The following ROBO2 variants were observed in gnomAD, a reference collection of about 807,000 sequenced individuals.
The protein encoded by ROBO2 is roundabout homolog 2.
ROBO2 carries 53 observed loss-of-function variants against 160.8 expected under a neutral mutation model. The observed-to-expected ratio is 0.33, with a 90% CI of 0.26 to 0.41. The LOEUF (loss-of-function observed/expected upper bound fraction) is 0.41, where lower values mean the gene tolerates loss of function less well. Ranked by LOEUF, ROBO2 falls within the 10% of genes least tolerant of loss-of-function variation. ROBO2 has a pLI of 1.00. For missense variants in ROBO2, 1,577 were observed against 1,722.4 expected (o/e 0.92, Z 1.49); for synonymous variants, 664 against 611.7 (o/e 1.09, Z -1.26).
intron 1 of ROBO2, among the ~76,000 whole-genome samples, chr3:75,925,116 G>A (rs1481575665): frequency 1.3e-5 from 2 of 152,044 alleles, no homozygotes; most frequent in Admixed American, 1.3e-4. Context: ...GGGCCGGCTG[G>A]GCACGATGGC....
chr3:77,134,563 T>G (rs987887150), intron 2 of ROBO2, among the ~76,000 whole-genome samples: 2 of 152,172 alleles, frequency 1.3e-5, no homozygotes, highest in African/African-American at 4.8e-5. Context: ...AGACACAGGC[T>G]CTATCTATGC....
At chr3:76,833,241 G>A (rs538766474) in intron 2 of ROBO2, among the ~76,000 whole-genome samples, 2 of 152,138 alleles carry the variant, frequency 1.3e-5, no homozygotes, top group South Asian at 2.1e-4. Flanking sequence ...TATAGTCCGC[G>A]GACAGTAAAG....
chr3:77,140,109 C>T, intron 2 of ROBO2, among the ~76,000 whole-genome samples: 1 of 152,176 alleles, frequency 6.6e-6, no homozygotes, highest in East Asian at 1.9e-4. Context: ...TTACATTCCA[C>T]TTTATACACA....
chr3:76,217,994 A>G (rs1261046473), intron 2 of ROBO2, among the ~76,000 whole-genome samples: 1 of 152,232 alleles, frequency 6.6e-6, no homozygotes, highest in Non-Finnish European at 1.5e-5. Flanking sequence ...CTTGGGATGC[A>G]AGGCTGGTTC....
chr3:76,237,062 G>T (rs889291044), intron 2 of ROBO2, among the ~76,000 whole-genome samples: 1 of 152,004 alleles, frequency 6.6e-6, no homozygotes, highest in Non-Finnish European at 1.5e-5. Context: ...TTAATAATTA[G>T]AAAGCAATAC....
intron 2 of ROBO2, among the ~76,000 whole-genome samples, chr3:76,431,849 T>TG (rs1220446044): frequency 1.3e-5 from 2 of 152,212 alleles, no homozygotes; most frequent in African/African-American, 4.8e-5. Context: ...ATCTTAATGC[T>TG]GGGGGGATTT....
intron 2 of ROBO2, among the ~76,000 whole-genome samples, chr3:77,313,207 C>A (rs1367690475): frequency 6.6e-6 from 1 of 152,092 alleles, no homozygotes; most frequent in Non-Finnish European, 1.5e-5. Flanking sequence ...AATAAACAGT[C>A]CCAAAAGTTC....
intron 2 of ROBO2, among the ~76,000 whole-genome samples, chr3:76,621,932 G>A (rs1280997731): frequency 3.3e-5 from 5 of 151,660 alleles, no homozygotes; most frequent in East Asian, 3.9e-4. Context: ...ATTGTAAGCC[G>A]TGTGGTTCAT....
chr3:76,910,817 C>T (rs116147092), intron 2 of ROBO2, among the ~76,000 whole-genome samples: 2,402 of 149,826 alleles, frequency 0.016, 41 homozygotes, highest in African/African-American at 0.054. Flanking sequence ...TATGAGGAAG[C>T]ATTAATCATT....
chr3:77,580,051 G>T (rs763136248), exon 16 of ROBO2: 2 of 1,613,874 alleles, frequency 1.2e-6, no homozygotes, highest in Non-Finnish European at 8.5e-7. Context: ...TTCAATACCG[G>T]GTAGAGGTTG....
intron 2 of ROBO2, among the ~76,000 whole-genome samples, chr3:76,990,914 C>T (rs566785340): frequency 6.6e-6 from 1 of 152,212 alleles, no homozygotes; most frequent in South Asian, 2.1e-4. Context: ...AGGCTCCCCT[C>T]CCAAGTGCTG....
intron 2 of ROBO2, among the ~76,000 whole-genome samples, chr3:77,323,992 A>T (rs954177004): frequency 4.6e-5 from 7 of 152,150 alleles, no homozygotes; most frequent in African/African-American, 1.7e-4. Context: ...CTGTTAGTGT[A>T]TATTCAGATT....
At chr3:76,248,082 G>A (rs1364135153) in intron 2 of ROBO2, among the ~76,000 whole-genome samples, 2 of 151,980 alleles carry the variant, frequency 1.3e-5, no homozygotes, top group African/African-American at 2.4e-5. Flanking sequence ...AGTCAGTGTG[G>A]CGATTCCTCA....
At chr3:76,133,264 A>T (rs948924826) in intron 2 of ROBO2, among the ~76,000 whole-genome samples, 1 of 152,072 alleles carries the variant, frequency 6.6e-6, no homozygotes, top group African/African-American at 2.4e-5. Flanking sequence ...ATTTTAGGTA[A>T]GATTTCGTTT....
At chr3:77,613,625 C>T (rs1041224433) in intron 21 of ROBO2, among the ~76,000 whole-genome samples, 1 of 152,042 alleles carries the variant, frequency 6.6e-6, no homozygotes, top group Non-Finnish European at 1.5e-5. Context: ...AAGAACAAAG[C>T]ATTCTAATTA....
At position 77,525,421 on chromosome 3, in the gene ROBO2, C is replaced by CT. The variant is rs1422943709; in HGVS notation, c.934+2522dup. Among the ~76,000 whole-genome samples the CT allele has an allele frequency of 2.4e-4, 13 of 55,240 alleles. 1 individual carries two copies. The highest frequency in any genetic ancestry group is 2.0e-3 in the Admixed American group (9 of 4,508). The allele number at this position is 55,240 out of a possible 152,430, so 36.2% of individuals were successfully genotyped here. On this transcript the variant is annotated intron_variant, in intron 6 of 25. Transcript: ENST00000461745. ...AGTTATTTCCCATTTCAAAAATATG[C>CT]TTTAAAAAAAAAAACTATAAATTGA...
intron 2 of ROBO2, among the ~76,000 whole-genome samples, chr3:76,238,307 G>T (rs1299129454): frequency 6.6e-6 from 1 of 152,192 alleles, no homozygotes; most frequent in Non-Finnish European, 1.5e-5. Context: ...ATAGGGGAAT[G>T]TGAAGGGGAA....
At chr3:77,016,934 A>G (rs946144403) in intron 2 of ROBO2, among the ~76,000 whole-genome samples, 1 of 152,186 alleles carries the variant, frequency 6.6e-6, no homozygotes, top group African/African-American at 2.4e-5. Context: ...AGTAAGCTTC[A>G]TATATTATAA....
intron 2 of ROBO2, among the ~76,000 whole-genome samples, chr3:77,450,896 G>T (rs1256941082): frequency 6.6e-6 from 1 of 151,696 alleles, no homozygotes; most frequent in African/African-American, 2.4e-5. Flanking sequence ...TTAAAATTCG[G>T]AGTATAGTGA....
Sources: allele counts gnomAD v4.1 joint callset (sites outside exome capture counted in the v4.1 genomes callset), GRCh38; gene constraint gnomAD v4.1.1; transcripts MANE v1.5; gene names NCBI Gene and HGNC (gene_info 2026-07-23, HGNC 2026-07-21).